PCNX2: variants seen among roughly 807,000 people sequenced by gnomAD.
The protein encoded by PCNX2 is pecanex 2, also known as pecanex-like protein 2.
In PCNX2, 168 loss-of-function variants were observed where a neutral mutation model predicts 223.8. The observed-to-expected ratio is 0.75, with a 90% CI of 0.66 to 0.85. The LOEUF (loss-of-function observed/expected upper bound fraction) is 0.85, where lower values mean the gene tolerates loss of function less well. PCNX2 is among the 40% of genes least tolerant of loss of function. The probability of loss-of-function intolerance (pLI) is 0.00; values close to 1 mark genes in which losing one functional copy is unlikely to be tolerated. For missense variants in PCNX2, 2,507 were observed against 2,675.5 expected (o/e 0.94, Z 1.39); for synonymous variants, 1,006 against 1,052.6 (o/e 0.96, Z 0.86).
intron 9 of PCNX2, among the ~76,000 whole-genome samples, chr1:233,235,687 C>T (rs945197298): frequency 1.1e-4 from 17 of 152,028 alleles, no homozygotes; most frequent in African/African-American, 1.7e-4. Flanking sequence ...TTGCAACCTC[C>T]GCCTCCTGAG....
chr1:233,025,431 A>G, intron 25 of PCNX2, 32 bp from the exon 26 acceptor site: 1 of 1,609,254 alleles, frequency 6.2e-7, no homozygotes, highest in Non-Finnish European at 8.5e-7. Context: ...GGAAGTTTGA[A>G]GAGAAGGCAT....
intron 5 of PCNX2, among the ~76,000 whole-genome samples, chr1:233,255,391 T>C (rs1013382383): frequency 1.3e-5 from 2 of 152,178 alleles, no homozygotes; most frequent in African/African-American, 4.8e-5. Flanking sequence ...TTTTCCACTA[T>C]AAAGCTTTCT....
chr1:233,113,028 G>A lies in PCNX2; in HGVS notation c.3838-17165C>T. 6.2e-6 allele frequency: 8 copies of A among 1,284,008 alleles called. 1 individual carries two copies. In the South Asian group the frequency reaches 9.9e-5, roughly 16 times the overall value. The allele number at this position is 1,284,008 out of a possible 1,614,324, so 79.5% of individuals were successfully genotyped here. On this transcript the variant is annotated intron_variant, in intron 21 of 33. Transcript: ENST00000258229. Reference sequence around the variant, plus strand: ...CTGTAAATCTTTAAGGGATGTGTAGGTTCTGTGCAGGCACTTTCCTGCAAT... The same window carrying A: ...CTGTAAATCTTTAAGGGATGTGTAGATTCTGTGCAGGCACTTTCCTGCAAT...
chr1:233,291,453 T>C (rs1340367929), intron 1 of PCNX2, among the ~76,000 whole-genome samples: 1 of 151,692 alleles, frequency 6.6e-6, no homozygotes, highest in Non-Finnish European at 1.5e-5. Flanking sequence ...CTACTAAAAA[T>C]ACAAAATTAG....
intron 21 of PCNX2, among the ~76,000 whole-genome samples, chr1:233,108,024 T>A (rs1674897847): frequency 6.6e-6 from 1 of 152,166 alleles, no homozygotes; most frequent in Admixed American, 6.5e-5. Flanking sequence ...AGTTTACAAA[T>A]GCCATGGCAA....
At chr1:233,265,828 A>T (rs976407175) in intron 1 of PCNX2, among the ~76,000 whole-genome samples, 1 of 152,232 alleles carries the variant, frequency 6.6e-6, no homozygotes, top group African/African-American at 2.4e-5. Context: ...GAGATAAAAA[A>T]TTGTATAGGG....
intron 10 of PCNX2, among the ~76,000 whole-genome samples, chr1:233,220,870 T>G (rs1657333875): frequency 6.6e-6 from 1 of 152,220 alleles, no homozygotes; most frequent in Non-Finnish European, 1.5e-5. Flanking sequence ...AGGGACTTTT[T>G]ATATATAATT....
At chr1:233,019,556 G>A (rs1223053004) in intron 26 of PCNX2, among the ~76,000 whole-genome samples, 1 of 152,124 alleles carries the variant, frequency 6.6e-6, no homozygotes, top group African/African-American at 2.4e-5. Context: ...CTCAGCACAT[G>A]GCCTGGCCCG....
Position 233,268,581 on chromosome 1 carries a change from C to T in PCNX2, c.154-5418G>A, listed in dbSNP as rs373156242. On this transcript the variant is annotated intron_variant, in intron 1 of 33. Coordinates refer to ENST00000258229, the MANE Select transcript of PCNX2 (RefSeq NM_014801.4). ...GAAGCTGGGTGTAAAGTGGGTCATG[C>T]TGCAGCGTTGATGAGCTCACAGAAC... Among the ~76,000 whole-genome samples, 54 of 152,282 alleles carry T rather than the reference C, an allele frequency of 3.5e-4. 1 individual carries two copies. In the South Asian group the frequency reaches 0.01, roughly 29 times the overall value.
intron 8 of PCNX2, among the ~76,000 whole-genome samples, chr1:233,248,538 G>C (rs1246119799): frequency 6.6e-6 from 1 of 151,970 alleles, no homozygotes; most frequent in Non-Finnish European, 1.5e-5. Flanking sequence ...CAAAACAGAG[G>C]AGCAGGAGAG....
At chr1:232,988,701 C>T (rs1356715214) in intron 32 of PCNX2, among the ~76,000 whole-genome samples, 1 of 152,172 alleles carries the variant, frequency 6.6e-6, no homozygotes, top group African/African-American at 2.4e-5. Context: ...AATATGAGAA[C>T]ACAGCCTCCC....
chr1:233,254,035 T>G (rs1319416884), intron 5 of PCNX2, among the ~76,000 whole-genome samples: 4 of 152,186 alleles, frequency 2.6e-5, no homozygotes, highest in Non-Finnish European at 5.9e-5. Flanking sequence ...GACACACCAT[T>G]CGAAAAGTCT....
chr1:233,177,906 T>C lies in PCNX2; in HGVS notation c.3177-8A>G. On this transcript the variant is annotated splice_polypyrimidine_tract_variant and splice_region_variant and intron_variant, in intron 16 of 33. Coordinates refer to ENST00000258229, the MANE Select transcript of PCNX2 (RefSeq NM_014801.4). ...CTGCATTGGATGAAGGACCTGAAAG[T>C]GGAAAAACACAATACTTCATCAAAG... The C allele has an allele frequency of 6.2e-7, 1 of 1,607,352 alleles. No homozygotes were observed. Among genetic ancestry groups the C allele is most frequent in the Non-Finnish European group, 8.5e-7 (1 of 1,174,012 alleles).
intron 23 of PCNX2, among the ~76,000 whole-genome samples, chr1:233,072,921 T>G (rs1672920759): frequency 6.6e-6 from 1 of 152,194 alleles, no homozygotes; most frequent in Non-Finnish European, 1.5e-5. Context: ...GTTCCTTTCT[T>G]CAGTATATTT....
At chr1:233,036,276 A>T (rs1307042519) in intron 25 of PCNX2, among the ~76,000 whole-genome samples, 1 of 152,174 alleles carries the variant, frequency 6.6e-6, no homozygotes. Context: ...CTCTTAGAGG[A>T]CATCTCTGTA....
intron 12 of PCNX2, among the ~76,000 whole-genome samples, chr1:233,214,511 G>A (rs567284598): frequency 6.6e-6 from 1 of 152,338 alleles, no homozygotes; most frequent in South Asian, 2.1e-4. Context: ...CCAGTAGAGG[G>A]GAGGGGGGAA....
intron 4 of PCNX2, 106 bp from the exon 5 acceptor site, chr1:233,259,450 T>C (rs1050770916): frequency 3.6e-6 from 5 of 1,385,776 alleles, no homozygotes; most frequent in African/African-American, 2.9e-5. Flanking sequence ...CAGCAACTAA[T>C]GGAATTAGAT....
intron 5 of PCNX2, among the ~76,000 whole-genome samples, chr1:233,256,177 T>C (rs1659723476): frequency 6.6e-6 from 1 of 152,070 alleles, no homozygotes; most frequent in Non-Finnish European, 1.5e-5. Flanking sequence ...TGTGGCTGGC[T>C]GAAAAAATTA....
At chr1:233,070,010 C>T in intron 23 of PCNX2, among the ~76,000 whole-genome samples, 1 of 151,988 alleles carries the variant, frequency 6.6e-6, no homozygotes, top group East Asian at 1.9e-4. Flanking sequence ...AGAGAAAACA[C>T]AAATTACAAA....
Sources: allele counts gnomAD v4.1 joint callset (sites outside exome capture counted in the v4.1 genomes callset), GRCh38; gene constraint gnomAD v4.1.1; transcripts MANE v1.5; gene names NCBI Gene and HGNC (gene_info 2026-07-23, HGNC 2026-07-21).